Variants in ARHGAP35 observed in about 807,000 individuals in gnomAD.
The protein encoded by ARHGAP35 is rho GTPase-activating protein 35.
In ARHGAP35, 15 loss-of-function variants were observed where a neutral mutation model predicts 111.1. The ratio of observed to expected loss-of-function variants is 0.13; its 90% CI spans 0.09 to 0.21. The LOEUF (loss-of-function observed/expected upper bound fraction) is 0.21. ARHGAP35 is among the 10% of genes least tolerant of loss of function. ARHGAP35 has a pLI of 1.00. For missense variants in ARHGAP35, 1,262 were observed against 1,873.0 expected (o/e 0.67, Z 6.02); for synonymous variants, 643 against 710.3 (o/e 0.91, Z 1.51).
rs1346341177 is a variant in ARHGAP35, at chr19:47,000,412, T to C, written c.4224T>C (p.Asp1408=). Residue 1408 remains aspartate (D), a synonymous_variant, in exon 7 of 7, where the codon GAT becomes GAC. Coordinates refer to ENST00000672722, the MANE Select transcript of ARHGAP35 (RefSeq NM_004491.5). This position sits in a 1 kb window ranked among gnomAD's most constrained non-coding sequence, Gnocchi z 6.9. ...ICFWPTLMRP[D]FSTMDALTAT... ...TCTGGCCCACCTTGATGAGACCTGA[T>C]TTCAGCACTATGGACGCCCTCACAG... The C allele has an allele frequency of 1.2e-6, 2 of 1,613,746 alleles. No individual in the cohort carries two copies. Among genetic ancestry groups the C allele is most frequent in the Non-Finnish European group, 8.5e-7 (1 of 1,179,832 alleles).
chr19:46,925,837 C>T (rs139933492), intron 2 of ARHGAP35, among the ~76,000 whole-genome samples: 71 of 152,194 alleles, frequency 4.7e-4, no homozygotes, highest in Admixed American at 1.0e-3. Flanking sequence ...AAATGAACAC[C>T]GGGCGTAGTG....
At chr19:46,914,135 T>A (rs1367266551) in intron 1 of ARHGAP35, among the ~76,000 whole-genome samples, 1 of 152,246 alleles carries the variant, frequency 6.6e-6, no homozygotes, top group African/African-American at 2.4e-5. Context: ...ATTGAGGAAC[T>A]AGTAAAACTG....
At chr19:46,907,170 C>T (rs896004540) in intron 1 of ARHGAP35, among the ~76,000 whole-genome samples, 1 of 152,182 alleles carries the variant, frequency 6.6e-6, no homozygotes, top group Non-Finnish European at 1.5e-5. Context: ...GTTTTTGAGA[C>T]GGAGTCTCGT....
At chr19:46,865,846 G>A (rs182801609) in intron 1 of ARHGAP35, among the ~76,000 whole-genome samples, 31 of 152,236 alleles carry the variant, frequency 2.0e-4, no homozygotes, top group African/African-American at 7.2e-4. Flanking sequence ...CACAGTAATC[G>A]TGACTTTTTT....
chr19:46,973,065 TA>T lies in ARHGAP35; in HGVS notation c.3827-14917del, dbSNP rs1042394355. ...AATCTGTACATTTTCTTTTCTTTTT[TA>T]AAAAAATTGAGACAGGTCGGCTGCA... is the stretch of plus-strand genomic sequence containing the variant. On this transcript the variant is annotated intron_variant, in intron 3 of 6. Transcript: ENST00000672722. Among the ~76,000 whole-genome samples, 15 of 152,342 alleles carry T rather than the reference TA, an allele frequency of 9.8e-5. No individual in the cohort carries two copies. In the South Asian group the frequency reaches 2.3e-3, roughly 23 times the overall value.
Position 46,999,076 on chromosome 19 carries a change from A to G in ARHGAP35, c.4037-228A>G. Reference sequence around the variant, plus strand: ...GGGGGCCAGGAAGCCCCAGGCACACAGTGCCGCCCTTCAGCGGGGGCCTGG... The same window carrying G: ...GGGGGCCAGGAAGCCCCAGGCACACGGTGCCGCCCTTCAGCGGGGGCCTGG... On this transcript the variant is annotated intron_variant, in intron 5 of 6. Transcript: ENST00000672722. The surrounding 1 kb of genome is among the most constrained non-coding windows in gnomAD (Gnocchi z 5.4). 1.9e-6 allele frequency: 1 copy of G among 534,698 alleles called. No homozygotes were observed. The highest frequency in any genetic ancestry group is 3.3e-6 in the Non-Finnish European group (1 of 300,726). The allele number at this position is 534,698 out of a possible 1,614,324, so 33.1% of individuals were successfully genotyped here.
chr19:46,913,812 A>C (rs556884967), intron 1 of ARHGAP35, among the ~76,000 whole-genome samples: 1 of 152,340 alleles, frequency 6.6e-6, no homozygotes, highest in African/African-American at 2.4e-5. Flanking sequence ...AAAAAGGATT[A>C]GCACTGGAAA....
At chr19:46,931,701 G>GT (rs1205155555) in intron 2 of ARHGAP35, among the ~76,000 whole-genome samples, 1 of 152,170 alleles carries the variant, frequency 6.6e-6, no homozygotes, top group Non-Finnish European at 1.5e-5. Flanking sequence ...AGGTGAAGGT[G>GT]TTTCAGGCTG....
chr19:46,874,603 C>T (rs1599792769), intron 1 of ARHGAP35, among the ~76,000 whole-genome samples: 1 of 143,334 alleles, frequency 7.0e-6, no homozygotes, highest in South Asian at 2.3e-4. Context: ...CTCCTGCGTT[C>T]AAGCGATTCT....
At position 46,861,115 on chromosome 19, in the gene ARHGAP35, G is replaced by A. The variant is rs959687924; in HGVS notation, c.-283G>A. ...CGGAGCCGCCGCCGCCGCCTCAGCC[G>A]CCGCTGGACTAGGAGCAGGGGAACA... On this transcript the variant is annotated 5_prime_UTR_variant, in exon 1 of 7. Transcript: ENST00000672722. Among the ~76,000 whole-genome samples the A allele has an allele frequency of 6.6e-6, 1 of 151,380 alleles. No homozygotes were observed. The highest frequency in any genetic ancestry group is 2.4e-5 in the African/African-American group (1 of 41,266).
chr19:46,874,498 T>G (rs895559888), intron 1 of ARHGAP35, among the ~76,000 whole-genome samples: 1 of 143,930 alleles, frequency 6.9e-6, no homozygotes, highest in African/African-American at 2.6e-5. Flanking sequence ...TTTTATGTTT[T>G]GTCTTTTTTT....
chr19:46,987,444 A>C (rs1190468203), intron 3 of ARHGAP35, among the ~76,000 whole-genome samples: 2 of 150,232 alleles, frequency 1.3e-5, no homozygotes, highest in South Asian at 4.2e-4. Flanking sequence ...CGAACTCCTG[A>C]CCTCAAGTGA....
chr19:46,928,471 A>G (rs1001780385), intron 2 of ARHGAP35, among the ~76,000 whole-genome samples: 3 of 152,196 alleles, frequency 2.0e-5, no homozygotes, highest in African/African-American at 7.2e-5. Context: ...ATAGCGTTGG[A>G]AAGTCCAAAT....
intron 1 of ARHGAP35, among the ~76,000 whole-genome samples, chr19:46,895,190 G>A (rs1248425831): frequency 6.7e-6 from 1 of 149,256 alleles, no homozygotes; most frequent in Non-Finnish European, 1.5e-5. Flanking sequence ...TTGAGACGGA[G>A]TCTCGCTCTG....
Position 47,000,235 on chromosome 19 carries a change from A to T in ARHGAP35, c.4143-96A>T. ...CCTTTTCTGCTCCACCTGAGGGAAG[A>T]AAGGTGGGCTCAGCCTGGGTGCTGA... is the stretch of plus-strand genomic sequence containing the variant. On this transcript the variant is annotated intron_variant, in intron 6 of 6. Transcript: ENST00000672722. The surrounding 1 kb of genome is among the most constrained non-coding windows in gnomAD (Gnocchi z 6.9). The T allele has an allele frequency of 7.6e-7, 1 of 1,309,446 alleles. No individual in the cohort carries two copies. The highest frequency in any genetic ancestry group is 1.1e-6 in the Non-Finnish European group (1 of 942,656). The allele number at this position is 1,309,446 out of a possible 1,614,324, so 81.1% of individuals were successfully genotyped here. A position where few individuals can be genotyped will look rare whatever the true frequency, so the allele number is the denominator to read the frequency against.
At chr19:46,990,269 T>C (rs557403359) in intron 5 of ARHGAP35, among the ~76,000 whole-genome samples, 9 of 152,354 alleles carry the variant, frequency 5.9e-5, no homozygotes, top group African/African-American at 2.2e-4. Context: ...TTTAATGGTA[T>C]CCTGTGTGCC....
chr19:46,995,024 G>T (rs893262710), intron 5 of ARHGAP35, among the ~76,000 whole-genome samples: 1 of 152,208 alleles, frequency 6.6e-6, no homozygotes, highest in Non-Finnish European at 1.5e-5. Context: ...ACCTGTGCCT[G>T]GTTCCAACCA....
intron 1 of ARHGAP35, among the ~76,000 whole-genome samples, chr19:46,910,866 C>T (rs2056134217): frequency 6.6e-6 from 1 of 152,160 alleles, no homozygotes; most frequent in African/African-American, 2.4e-5. Context: ...GTAGGGATTA[C>T]AGGTGTGAAC....
chr19:46,890,867 A>G (rs967696735), intron 1 of ARHGAP35, among the ~76,000 whole-genome samples: 16 of 152,176 alleles, frequency 1.1e-4, no homozygotes, highest in Admixed American at 7.9e-4. Flanking sequence ...CTCAGGAGGT[A>G]TTTATTGGAT....
Sources: gnomAD v4.1 joint callset for allele counts (sites outside exome capture counted in the v4.1 genomes callset) on GRCh38, gnomAD v4.1.1 for gene constraint, Gnocchi (gnomAD v3.1) non-coding constraint, MANE v1.5 for transcripts, NCBI Gene and HGNC (gene_info 2026-07-23, HGNC 2026-07-21) for gene names.